CACNA1B: variants seen among roughly 807,000 people sequenced by gnomAD.
The protein encoded by CACNA1B is calcium voltage-gated channel subunit alpha1 B, also known as voltage-dependent N-type calcium channel subunit alpha-1B.
Under a neutral mutation model 247.2 loss-of-function variants are expected in CACNA1B, and 70 were observed. That is an observed-to-expected ratio of 0.28 (90% CI 0.23 to 0.35). The LOEUF is 0.35. Ranked by LOEUF, CACNA1B falls within the 10% of genes least tolerant of loss-of-function variation. The probability of loss-of-function intolerance (pLI) is 1.00; values close to 1 mark genes in which losing one functional copy is unlikely to be tolerated. For missense variants in CACNA1B, 2,367 were observed against 3,197.4 expected, an observed-to-expected ratio of 0.74 and a Z score of 6.26; for synonymous variants, 1,231 against 1,294.4, an observed-to-expected ratio of 0.95 and a Z score of 1.05.
At chr9:138,111,998 GA>G (rs930294780) in intron 39 of CACNA1B, among the ~76,000 whole-genome samples, 1 of 151,714 alleles carries the variant, frequency 6.6e-6, no homozygotes, top group Non-Finnish European at 1.5e-5. Context: ...GTCAACTCCA[GA>G]AGGGAAGTTT....
intron 12 of CACNA1B, among the ~76,000 whole-genome samples, chr9:137,983,547 A>G (rs553916794): frequency 2.0e-5 from 3 of 152,170 alleles, no homozygotes. Flanking sequence ...AGTGCATGAA[A>G]CAAACAGGCA....
At chr9:138,069,847 C>A in intron 32 of CACNA1B, 84 bp downstream of exon 32, 1 of 1,188,966 alleles carries the variant, frequency 8.4e-7, no homozygotes, top group Non-Finnish European at 1.3e-6. Flanking sequence ...TCCTGGGACT[C>A]CAGCCCACTG....
intron 20 of CACNA1B, among the ~76,000 whole-genome samples, chr9:138,033,233 C>T (rs959536133): frequency 2.0e-5 from 3 of 152,038 alleles, no homozygotes; most frequent in Non-Finnish European, 2.9e-5. Context: ...CCATTTGGTT[C>T]GTTATATCTT....
intron 36 of CACNA1B, among the ~76,000 whole-genome samples, chr9:138,093,818 T>C (rs756436910): frequency 2.0e-5 from 3 of 152,148 alleles, no homozygotes; most frequent in Non-Finnish European, 2.9e-5. Context: ...CCTTGTGCAC[T>C]GGTGGGTATG....
Position 138,007,397 on chromosome 9 carries a change from G to T in CACNA1B, c.2092+513G>T, listed in dbSNP as rs1455052028. Among the ~76,000 whole-genome samples, 1 of 132,798 alleles carries T rather than the reference G, an allele frequency of 7.5e-6. No homozygotes were observed. Among genetic ancestry groups the T allele is most frequent in the African/African-American group, 3.6e-5 (1 of 27,708 alleles). The allele number at this position is 132,798 out of a possible 152,430, so 87.1% of individuals were successfully genotyped here. ...GTCAGAGCGAGCCCAGCCGCCGGTG[G>T]TGAGCTCTGCCCTAGCAAGGGACCA... On this transcript the variant is annotated intron_variant, in intron 16 of 46. Coordinates refer to ENST00000371372, the MANE Select transcript of CACNA1B (RefSeq NM_000718.4). The surrounding 1 kb of genome is among the most constrained non-coding windows in gnomAD (Gnocchi z 4.1).
chr9:138,071,468 C>G (rs145642876), intron 32 of CACNA1B, among the ~76,000 whole-genome samples: 1 of 152,320 alleles, frequency 6.6e-6, no homozygotes, highest in East Asian at 1.9e-4. Flanking sequence ...CTGCATGCAG[C>G]TGGCATGGTG....
intron 15 of CACNA1B, among the ~76,000 whole-genome samples, chr9:138,003,424 G>A (rs1270147177): frequency 2.6e-5 from 4 of 151,706 alleles, no homozygotes; most frequent in Admixed American, 1.3e-4. Flanking sequence ...ACAGGTGTGA[G>A]CCACCACTCC....
Position 137,955,963 on chromosome 9 carries a change from T to C in CACNA1B, c.1186+150T>C, listed in dbSNP as rs1292818024. 3.0e-6 allele frequency: 2 copies of C among 658,420 alleles called. No individual in the cohort carries two copies. The highest frequency in any genetic ancestry group is 5.4e-6 in the Non-Finnish European group (2 of 370,778). 40.8% of individuals were successfully genotyped at this position (658,420 alleles called of 1,614,324 possible). On this transcript the variant is annotated intron_variant, in intron 8 of 46. Transcript: ENST00000371372. This position sits in a 1 kb window ranked among gnomAD's most constrained non-coding sequence, Gnocchi z 6.9. ...AGCAGAGTGAGAAGGGATTTCTCTC[T>C]AGCTCACCCAGGGGCCTGGCACCAG...
Position 137,986,389 on chromosome 9 carries a change from C to G in CACNA1B, c.1770-24C>G. On this transcript the variant is annotated intron_variant, in intron 13 of 46. Coordinates refer to ENST00000371372, the MANE Select transcript of CACNA1B (RefSeq NM_000718.4). The surrounding 1 kb of genome is among the most constrained non-coding windows in gnomAD (Gnocchi z 6.0). ...GTGAAGTCAGCGTCTGGAGCTGGCTCAGACCCCCTGCCTGGCCCCGCAGGT... is the reference window on the plus strand; with the variant it reads ...GTGAAGTCAGCGTCTGGAGCTGGCTGAGACCCCCTGCCTGGCCCCGCAGGT... 6.2e-7 allele frequency: 1 copy of G among 1,612,516 alleles called. No individual in the cohort carries two copies.
chr9:137,959,312 A>G (rs1044857360), intron 10 of CACNA1B, among the ~76,000 whole-genome samples: 4 of 152,172 alleles, frequency 2.6e-5, no homozygotes, highest in Non-Finnish European at 4.4e-5. Context: ...ACCTCAGGTG[A>G]TCTACCCACC....
At position 137,917,698 on chromosome 9, in the gene CACNA1B, G is replaced by A. The variant is rs973673607; in HGVS notation, c.966+267G>A. ...AAAATGAAGCAGAAGGCTGACTGGTGGAGGTCAGAGAAGAAAACTCCAGAG... is the reference window on the plus strand; with the variant it reads ...AAAATGAAGCAGAAGGCTGACTGGTAGAGGTCAGAGAAGAAAACTCCAGAG... On this transcript the variant is annotated intron_variant, in intron 6 of 46. Coordinates refer to ENST00000371372, the MANE Select transcript of CACNA1B (RefSeq NM_000718.4). The surrounding 1 kb of genome is among the most constrained non-coding windows in gnomAD (Gnocchi z 5.5). 6.6e-6 allele frequency among the ~76,000 whole-genome samples: 1 copy of A among 152,258 alleles called. No homozygotes were observed. The highest frequency in any genetic ancestry group is 1.5e-5 in the Non-Finnish European group (1 of 68,048).
Position 138,118,786 on chromosome 9 carries a change from GTCCAGGC to G in CACNA1B, c.6030+19_6030+25del. On this transcript the variant is annotated intron_variant, in intron 44 of 46. Transcript: ENST00000371372. ...AGACTCAGGTAGGTGGTCTGGGAGG[GTCCAGGC>G]CCTGGGCTGGGCAAGTGGGGGGTGG... 8.1e-7 allele frequency: 1 copy of G among 1,229,948 alleles called. No homozygotes were observed. Among genetic ancestry groups the G allele is most frequent in the Non-Finnish European group, 1.2e-6 (1 of 869,434 alleles). The allele number at this position is 1,229,948 out of a possible 1,614,324, so 76.2% of individuals were successfully genotyped here.
In CACNA1B at chr9:137,889,350, C is replaced by A. The variant is rs551775380; in HGVS notation, c.530+6467C>A. ...CCAGACATTCTCTCCCTTTCCCTAC[C>A]AGAGTCTGGAAATGGCCTTTGTAGG... On this transcript the variant is annotated intron_variant, in intron 3 of 46. Coordinates refer to ENST00000371372, the MANE Select transcript of CACNA1B (RefSeq NM_000718.4). Among the ~76,000 whole-genome samples, 33 of 150,252 alleles carry A rather than the reference C, an allele frequency of 2.2e-4. No individual in the cohort carries two copies. The East Asian group carries it at 6.4e-3, about 29-fold the overall frequency.
At chr9:138,089,957 A>G (rs1960823553) in intron 36 of CACNA1B, among the ~76,000 whole-genome samples, 1 of 152,232 alleles carries the variant, frequency 6.6e-6, no homozygotes, top group South Asian at 2.1e-4. Context: ...GAGGACACAC[A>G]AAAAATAGAA....
At chr9:138,097,406 G>C (rs1398885081) in intron 37 of CACNA1B, among the ~76,000 whole-genome samples, 2 of 152,128 alleles carry the variant, frequency 1.3e-5, no homozygotes, top group African/African-American at 4.8e-5. Context: ...CATTCGGGAA[G>C]GAAGACAGGT....
chr9:138,088,405 A>G (rs1960772109), intron 36 of CACNA1B, among the ~76,000 whole-genome samples: 1 of 152,140 alleles, frequency 6.6e-6, no homozygotes, highest in South Asian at 2.1e-4. Flanking sequence ...AAGATAATTG[A>G]CAAACCATTA....
At chr9:138,013,496 C>CG (rs1330936379) in intron 18 of CACNA1B, among the ~76,000 whole-genome samples, 2 of 152,138 alleles carry the variant, frequency 1.3e-5, no homozygotes, top group Admixed American at 1.3e-4. Flanking sequence ...TATTCACTCC[C>CG]TGGATAGCCT....
intron 39 of CACNA1B, among the ~76,000 whole-genome samples, chr9:138,107,223 TTTATTTA>T (rs1325207677): frequency 5.8e-5 from 5 of 86,456 alleles, no homozygotes; most frequent in African/African-American, 2.8e-4. Flanking sequence ...TCTTATTTTA[TTTATTTA>T]TTTATTTATT....
At chr9:138,103,641 G>A (rs189362331) in intron 38 of CACNA1B, among the ~76,000 whole-genome samples, 40 of 152,210 alleles carry the variant, frequency 2.6e-4, no homozygotes, top group African/African-American at 7.2e-4. Flanking sequence ...AAGCACCTTC[G>A]TTCCCCCAGC....
Sources: allele counts gnomAD v4.1 joint callset (sites outside exome capture counted in the v4.1 genomes callset), GRCh38; gene constraint gnomAD v4.1.1; non-coding constraint Gnocchi (gnomAD v3.1); transcripts MANE v1.5; gene names NCBI Gene and HGNC (gene_info 2026-07-23, HGNC 2026-07-21).